Variants in NUP133 observed in about 807,000 individuals in gnomAD.
The protein encoded by NUP133 is nuclear pore complex protein Nup133.
In NUP133, 66 loss-of-function variants were observed where a neutral mutation model predicts 146.2. The observed-to-expected ratio is 0.45, with a 90% CI of 0.37 to 0.55. The LOEUF (loss-of-function observed/expected upper bound fraction) is 0.55. NUP133 is among the 20% of genes least tolerant of loss of function. The pLI is 0.00. For synonymous variants in NUP133, 521 were observed against 498.8 expected, an observed-to-expected ratio of 1.04 and a Z score of -0.59; for missense variants, 1,277 against 1,374.8, an observed-to-expected ratio of 0.93 and a Z score of 1.12.
intron 23 of NUP133, among the ~76,000 whole-genome samples, chr1:229,449,873 A>ATATATATAT (rs1261799272): frequency 2.3e-5 from 2 of 85,800 alleles, no homozygotes; most frequent in African/African-American, 5.1e-5. Context: ...ATATATATAT[A>ATATATATAT]TTTTTTTTTT....
At chr1:229,504,705 T>C (rs1044470065) in intron 2 of NUP133, among the ~76,000 whole-genome samples, 5 of 152,236 alleles carry the variant, frequency 3.3e-5, no homozygotes, top group African/African-American at 9.6e-5. Context: ...TGATCAACTC[T>C]GTAAACAGGA....
At chr1:229,502,894 A>AGCT (rs904217888) in intron 2 of NUP133, among the ~76,000 whole-genome samples, 2 of 151,924 alleles carry the variant, frequency 1.3e-5, no homozygotes, top group Non-Finnish European at 2.9e-5. Context: ...AGGAGATTGA[A>AGCT]GCTGCAGTAA....
chr1:229,460,509 A>G (rs1660669544), intron 20 of NUP133, 102 bp downstream of exon 20: 2 of 1,159,548 alleles, frequency 1.7e-6, no homozygotes. Flanking sequence ...ACCCCTTCTC[A>G]GGTATATGAC....
intron 11 of NUP133, among the ~76,000 whole-genome samples, chr1:229,485,373 A>G (rs551872185): frequency 8.5e-5 from 13 of 152,182 alleles, no homozygotes; most frequent in Non-Finnish European, 1.6e-4. Context: ...TGGAGACTTG[A>G]CTTTGGGAAA....
At chr1:229,467,985 TA>T (rs1054330260) in intron 15 of NUP133, among the ~76,000 whole-genome samples, 3 of 149,900 alleles carry the variant, frequency 2.0e-5, no homozygotes, top group African/African-American at 7.4e-5. Flanking sequence ...TAAAAGCACA[TA>T]AAATGCCAAA....
At chr1:229,484,271 G>A in intron 11 of NUP133, 126 bp from the exon 12 acceptor site, 1 of 545,196 alleles carries the variant, frequency 1.8e-6, no homozygotes, top group South Asian at 3.4e-5. Context: ...CGTATTGTCT[G>A]TACCAGGGGT....
chr1:229,470,262 C>T (rs1006405230), intron 15 of NUP133, among the ~76,000 whole-genome samples: 4 of 147,180 alleles, frequency 2.7e-5, no homozygotes, highest in South Asian at 2.1e-4. Context: ...CACTGGAACC[C>T]GGGCAACAGA....
intron 23 of NUP133, among the ~76,000 whole-genome samples, chr1:229,449,884 T>C (rs868629637): frequency 8.2e-6 from 1 of 121,660 alleles, no homozygotes; most frequent in African/African-American, 3.3e-5. Context: ...TTTTTTTTTT[T>C]TTTTTTTTTT....
At chr1:229,488,532 C>T (rs573687631) in intron 9 of NUP133, among the ~76,000 whole-genome samples, 1 of 152,192 alleles carries the variant, frequency 6.6e-6, no homozygotes, top group South Asian at 2.1e-4. Flanking sequence ...TCTGCCCTGG[C>T]TGAAATTTTT....
intron 5 of NUP133, 78 bp downstream of exon 5, chr1:229,499,602 CTATT>C: frequency 3.5e-6 from 5 of 1,443,410 alleles, no homozygotes; most frequent in Non-Finnish European, 4.7e-6. Context: ...GATCCCACCT[CTATT>C]TAAAAATAAA....
chr1:229,453,192 G>A (rs1326870102), intron 21 of NUP133, among the ~76,000 whole-genome samples: 1 of 141,106 alleles, frequency 7.1e-6, no homozygotes, highest in East Asian at 1.9e-4. Flanking sequence ...GCCTCCCAAA[G>A]TGTTGGGAGG....
chr1:229,502,329 G>A (rs1019511417), intron 2 of NUP133, among the ~76,000 whole-genome samples: 1 of 151,970 alleles, frequency 6.6e-6, no homozygotes, highest in Non-Finnish European at 1.5e-5. Context: ...GGAGGCCGAG[G>A]TGGGAGGATC....
intron 19 of NUP133, 64 bp downstream of exon 19, chr1:229,463,479 G>A (rs1660737184): frequency 7.8e-6 from 12 of 1,531,964 alleles, no homozygotes; most frequent in South Asian, 6.3e-5. Flanking sequence ...GATTTGAAAT[G>A]GCAAAGCCAT....
At chr1:229,465,216 T>C (rs1395971781) in intron 17 of NUP133, among the ~76,000 whole-genome samples, 1 of 152,212 alleles carries the variant, frequency 6.6e-6, no homozygotes, top group Non-Finnish European at 1.5e-5. Flanking sequence ...AATGCATAAG[T>C]ACCAGTTGAA....
intron 24 of NUP133, among the ~76,000 whole-genome samples, chr1:229,446,777 A>G (rs994523936): frequency 8.1e-5 from 11 of 136,624 alleles, no homozygotes; most frequent in Admixed American, 7.6e-4. Flanking sequence ...ATAAATAAAT[A>G]AAACAAAATC....
chr1:229,475,534 T>C (rs981652643), intron 14 of NUP133, 104 bp downstream of exon 14: 3 of 769,242 alleles, frequency 3.9e-6, no homozygotes, highest in Non-Finnish European at 2.2e-6. Flanking sequence ...ACACCAGTCA[T>C]GCCCCACCCA....
chr1:229,469,670 T>C (rs1385284748), intron 15 of NUP133, among the ~76,000 whole-genome samples: 2 of 152,112 alleles, frequency 1.3e-5, no homozygotes, highest in Non-Finnish European at 2.9e-5. Context: ...GCACAGCCAA[T>C]GTAAAGTGCG....
intron 16 of NUP133, among the ~76,000 whole-genome samples, chr1:229,465,768 C>T (rs1660795685): frequency 6.6e-6 from 1 of 151,796 alleles, no homozygotes; most frequent in African/African-American, 2.4e-5. Flanking sequence ...CGTGCACCTA[C>T]CGTCCCAGCT....
At chr1:229,487,660 A>AAATT (rs765819839) in intron 9 of NUP133, 47 bp from the exon 10 acceptor site, 28 of 1,370,814 alleles carry the variant, frequency 2.0e-5, no homozygotes, top group Non-Finnish European at 2.8e-5. Flanking sequence ...TAAAACAAAA[A>AAATT]TATTTGTATG....
Sources: gnomAD v4.1 joint callset for allele counts (sites outside exome capture counted in the v4.1 genomes callset) on GRCh38, gnomAD v4.1.1 for gene constraint, MANE v1.5 for transcripts, NCBI Gene and HGNC (gene_info 2026-07-23, HGNC 2026-07-21) for gene names.